HYCC2: variants seen among roughly 807,000 people sequenced by gnomAD.
HYCC2 encodes hyccin PI4KA lipid kinase complex subunit 2.
the HYCC2 span, among the ~76,000 whole-genome samples, chr2:201,004,854 A>G: frequency 3.3e-5 from 5 of 152,008 alleles, no homozygotes; most frequent in South Asian, 6.2e-4. Flanking sequence ...CGTCTCTACT[A>G]AAAGTACAAA....
At chr2:201,021,634 T>C in the HYCC2 span, 1 of 171,902 alleles carries the variant, frequency 5.8e-6, no homozygotes, top group Non-Finnish European at 1.3e-5. Flanking sequence ...TACTAGATTC[T>C]CGGGAAGTTA....
chr2:201,007,987 T>C, the HYCC2 span, among the ~76,000 whole-genome samples: 1 of 152,234 alleles, frequency 6.6e-6, no homozygotes, highest in Non-Finnish European at 1.5e-5. Flanking sequence ...ACCCTTCATA[T>C]TCTACTATAT....
the HYCC2 span, chr2:201,009,052 C>A: frequency 6.2e-7 from 1 of 1,613,714 alleles, no homozygotes; most frequent in Non-Finnish European, 8.5e-7. Context: ...TGACACAATG[C>A]CCCTTCTGTC....
the HYCC2 span, among the ~76,000 whole-genome samples, chr2:201,029,240 A>G: frequency 1.3e-5 from 2 of 152,228 alleles, no homozygotes; most frequent in Admixed American, 6.5e-5. Flanking sequence ...AGAAATGCAA[A>G]TCAAAACCAC....
At chr2:201,059,952 G>A in the HYCC2 span, among the ~76,000 whole-genome samples, 4 of 150,576 alleles carry the variant, frequency 2.7e-5, no homozygotes, top group Non-Finnish European at 1.5e-5. Context: ...GGCTGAGGTG[G>A]AGAATCACTT....
the HYCC2 span, among the ~76,000 whole-genome samples, chr2:201,013,902 C>T: frequency 2.0e-5 from 3 of 152,006 alleles, no homozygotes; most frequent in Admixed American, 6.6e-5. Context: ...TTTGAAACAA[C>T]GAAGTGCTGG....
the HYCC2 span, among the ~76,000 whole-genome samples, chr2:200,982,212 G>T: frequency 6.8e-6 from 1 of 147,734 alleles, no homozygotes; most frequent in African/African-American, 2.5e-5. Context: ...CTTCTGAAAT[G>T]ACCATATCTA....
chr2:201,028,414 T>A, the HYCC2 span, among the ~76,000 whole-genome samples: 1 of 152,054 alleles, frequency 6.6e-6, no homozygotes, highest in African/African-American at 2.4e-5. Context: ...TTCAATGCCA[T>A]CCCCAACAAG....
chr2:201,045,740 G>A, the HYCC2 span: 1 of 385,894 alleles, frequency 2.6e-6, no homozygotes, highest in Non-Finnish European at 4.6e-6. Context: ...GTAATAACTA[G>A]CATACTTGTA....
chr2:201,063,940 A>C, the HYCC2 span: 1 of 1,597,378 alleles, frequency 6.3e-7, no homozygotes, highest in Non-Finnish European at 8.5e-7. Flanking sequence ...TTGGAGGCAG[A>C]AGCTCTGGCC....
the HYCC2 span, among the ~76,000 whole-genome samples, chr2:201,041,712 A>G: frequency 6.6e-6 from 1 of 152,146 alleles, no homozygotes; most frequent in Non-Finnish European, 1.5e-5. Context: ...ACATTTTTGC[A>G]TTGCTCACTA....
the HYCC2 span, among the ~76,000 whole-genome samples, chr2:201,016,385 C>T: frequency 1.3e-5 from 2 of 151,962 alleles, no homozygotes; most frequent in Non-Finnish European, 2.9e-5. Context: ...ATGTCCTCGG[C>T]TCCAGAGATC....
At chr2:200,980,341 T>C in the HYCC2 span, 1 of 152,054 alleles carries the variant, frequency 6.6e-6, no homozygotes, top group Middle Eastern at 3.4e-3. Context: ...GAAAAAAAAA[T>C]CAAATCTCCT....
chr2:201,044,610 A>G, the HYCC2 span, among the ~76,000 whole-genome samples: 6 of 152,214 alleles, frequency 3.9e-5, no homozygotes, highest in Admixed American at 1.3e-4. Context: ...GCATGTCGCT[A>G]TGACAAAGGT....
chr2:200,977,163 C>T, the HYCC2 span: 2 of 152,184 alleles, frequency 1.3e-5, no homozygotes, highest in African/African-American at 4.8e-5. Flanking sequence ...ATCTAGATTA[C>T]TCTACATTTT....
the HYCC2 span, among the ~76,000 whole-genome samples, chr2:201,038,633 T>G: frequency 6.6e-6 from 1 of 151,950 alleles, no homozygotes; most frequent in Non-Finnish European, 1.5e-5. Flanking sequence ...CTCAGCAAAC[T>G]ATCGCAAGGA....
chr2:200,992,943 T>C, the HYCC2 span: 12 of 1,613,896 alleles, frequency 7.4e-6, no homozygotes, highest in Admixed American at 1.0e-4. Flanking sequence ...CCAATACTAT[T>C]CGACCACAGA....
chr2:200,974,534 A>G, the HYCC2 span: 1 of 152,134 alleles, frequency 6.6e-6, no homozygotes, highest in East Asian at 1.9e-4. Context: ...CATGGAGCAT[A>G]TCTCTCAATT....
the HYCC2 span, among the ~76,000 whole-genome samples, chr2:201,032,107 T>C: frequency 6.6e-6 from 1 of 152,046 alleles, no homozygotes; most frequent in African/African-American, 2.4e-5. Flanking sequence ...ATTACAGGCA[T>C]GTGCCACCAT....
Sources: allele counts gnomAD v4.1 joint callset (sites outside exome capture counted in the v4.1 genomes callset), GRCh38; gene constraint gnomAD v4.1.1; transcripts MANE v1.5; gene names NCBI Gene and HGNC (gene_info 2026-07-23, HGNC 2026-07-21).